Variants in CPEB3 observed in about 807,000 individuals in gnomAD.
CPEB3 encodes the protein cytoplasmic polyadenylation element-binding protein 3.
A neutral mutation model predicts 67.2 loss-of-function variants in CPEB3; 20 were observed. That is an observed-to-expected ratio of 0.30 (90% CI 0.21 to 0.43). CPEB3 has a LOEUF of 0.43. Ranked by LOEUF, CPEB3 falls within the 20% of genes least tolerant of loss-of-function variation. The pLI is 1.00. For missense variants in CPEB3, 746 were observed against 968.6 expected (o/e 0.77, Z 3.05); for synonymous variants, 376 against 393.1 (o/e 0.96, Z 0.51).
intron 1 of CPEB3, among the ~76,000 whole-genome samples, chr10:92,267,397 G>T (rs56718534): frequency 3.9e-5 from 6 of 152,168 alleles, no homozygotes; most frequent in African/African-American, 1.4e-4. Context: ...ACAATCTATT[G>T]GAGCTAGAGG....
At chr10:92,140,622 T>A (rs1416457109) in intron 6 of CPEB3, among the ~76,000 whole-genome samples, 2 of 149,410 alleles carry the variant, frequency 1.3e-5, no homozygotes, top group Non-Finnish European at 3.0e-5. Flanking sequence ...AAGCCAAAAT[T>A]GACAAATGGG....
intron 1 of CPEB3, among the ~76,000 whole-genome samples, chr10:92,261,367 A>G (rs980227243): frequency 1.3e-5 from 2 of 152,172 alleles, no homozygotes; most frequent in Admixed American, 6.6e-5. Flanking sequence ...AATTTAGACC[A>G]TGCTCTTCTC....
At position 92,145,040 on chromosome 10, in the gene CPEB3, C is replaced by T; in HGVS notation, c.1268G>A (p.Gly423Asp). 3 of 1,614,060 alleles carry T rather than the reference C, an allele frequency of 1.9e-6. No individual in the cohort carries two copies. Among genetic ancestry groups the T allele is most frequent in the Non-Finnish European group, 2.5e-6 (3 of 1,179,958 alleles). The change falls in exon 5 of 10, where the codon GGC becomes GAC. Residue 423 changes from glycine (G) to aspartate (D), a missense_variant. Coordinates refer to ENST00000265997, the MANE Select transcript of CPEB3 (RefSeq NM_014912.5). ...TTGACAGCGAGTGGGAGAACTTAAG[C>T]CAGATGACAAGGCTTGATCACCATG... ...DSHGDQALSS[G>D]LSSPTRCQNG... is the part of the protein sequence containing the mutation.
At chr10:92,091,240 AT>A (rs147897660) in intron 8 of CPEB3, among the ~76,000 whole-genome samples, 19,211 of 152,212 alleles carry the variant, frequency 0.13, 1,459 homozygotes, top group Middle Eastern at 0.21. Context: ...AATAAACTTA[AT>A]TATTCTAAGT....
chr10:92,167,351 C>T (rs934302748), intron 4 of CPEB3, among the ~76,000 whole-genome samples: 2 of 152,188 alleles, frequency 1.3e-5, no homozygotes, highest in African/African-American at 4.8e-5. Flanking sequence ...TTCAACATGC[C>T]TTCTTCATTA....
chr10:92,207,635 G>T (rs145917131), intron 2 of CPEB3, among the ~76,000 whole-genome samples: 5 of 152,244 alleles, frequency 3.3e-5, no homozygotes, highest in African/African-American at 4.8e-5. Flanking sequence ...ACTTTGGGAG[G>T]CCGAGGCTGG....
chr10:92,066,624 T>C (rs1842557597), intron 9 of CPEB3, among the ~76,000 whole-genome samples: 1 of 152,158 alleles, frequency 6.6e-6, no homozygotes, highest in South Asian at 2.1e-4. Context: ...CTTCTTGGCA[T>C]GTGTCATACA....
intron 6 of CPEB3, among the ~76,000 whole-genome samples, chr10:92,130,968 G>C (rs538595609): frequency 1.1e-4 from 17 of 152,272 alleles, no homozygotes; most frequent in African/African-American, 4.1e-4. Context: ...GTATTATTAA[G>C]AAGGCATTGA....
intron 2 of CPEB3, among the ~76,000 whole-genome samples, chr10:92,209,262 C>T (rs144415442): frequency 3.3e-5 from 5 of 152,230 alleles, no homozygotes; most frequent in African/African-American, 7.2e-5. Flanking sequence ...CAATGGCTCA[C>T]GCCTATAATC....
chr10:92,221,582 G>A (rs1850702497), intron 2 of CPEB3, among the ~76,000 whole-genome samples: 1 of 152,150 alleles, frequency 6.6e-6, no homozygotes, highest in Admixed American at 6.5e-5. Context: ...TGGTCTGAAT[G>A]TGGTATACCC....
chr10:92,212,082 T>C (rs867947889), intron 2 of CPEB3, among the ~76,000 whole-genome samples: 2 of 151,732 alleles, frequency 1.3e-5, no homozygotes, highest in South Asian at 4.2e-4. Flanking sequence ...GGTTTCACTA[T>C]GTTGGCCAGG....
chr10:92,072,695 A>G (rs536555310), intron 9 of CPEB3, among the ~76,000 whole-genome samples: 2 of 152,328 alleles, frequency 1.3e-5, no homozygotes, highest in South Asian at 4.1e-4. Flanking sequence ...GTTTTGTTCA[A>G]CTACAGCAAT....
intron 6 of CPEB3, among the ~76,000 whole-genome samples, chr10:92,119,859 G>C (rs1433909073): frequency 6.6e-6 from 1 of 151,878 alleles, no homozygotes; most frequent in Non-Finnish European, 1.5e-5. Context: ...TCTCATCGAA[G>C]TCATGCACCA....
chr10:92,183,500 G>A (rs1330857092), intron 3 of CPEB3, among the ~76,000 whole-genome samples: 8 of 152,126 alleles, frequency 5.3e-5, no homozygotes, highest in African/African-American at 1.4e-4. Flanking sequence ...TCTCACCATC[G>A]TTTTTGGATA....
At chr10:92,253,747 A>T (rs973769912) in intron 1 of CPEB3, among the ~76,000 whole-genome samples, 1 of 152,138 alleles carries the variant, frequency 6.6e-6, no homozygotes, top group Non-Finnish European at 1.5e-5. Flanking sequence ...GCCTCAAAAA[A>T]ATTTATTAAA....
At chr10:92,146,195 A>G (rs1296649677) in intron 4 of CPEB3, among the ~76,000 whole-genome samples, 2 of 152,242 alleles carry the variant, frequency 1.3e-5, no homozygotes, top group African/African-American at 2.4e-5. Flanking sequence ...CCCAATCCAC[A>G]TGACTATAAG....
At chr10:92,097,047 T>C (rs1843913057) in intron 7 of CPEB3, among the ~76,000 whole-genome samples, 1 of 152,188 alleles carries the variant, frequency 6.6e-6, no homozygotes, top group South Asian at 2.1e-4. Context: ...CAAACTCAAA[T>C]GACCATAGGG....
chr10:92,183,758 C>T lies in CPEB3; in HGVS notation c.1166-2739G>A, dbSNP rs74149388. On this transcript the variant is annotated intron_variant, in intron 3 of 9. Transcript: ENST00000265997. ...CAAGGAATATTTAGAGGAGGGTGTG[C>T]TATCTAAAAAGTTAGCAATATTCCC... Among the ~76,000 whole-genome samples, 821 of 152,172 alleles carry T rather than the reference C, an allele frequency of 5.4e-3. 8 individuals carry two copies. Among genetic ancestry groups the T allele is most frequent in the African/African-American group, 0.019 (781 of 41,520 alleles).
At chr10:92,082,293 TTTG>T (rs949311516) in intron 8 of CPEB3, among the ~76,000 whole-genome samples, 19 of 151,388 alleles carry the variant, frequency 1.3e-4, no homozygotes, top group South Asian at 4.1e-4. Context: ...TGTTTGTTTG[TTTG>T]TTTACTGAGA....
Sources: gnomAD v4.1 joint callset for allele counts (sites outside exome capture counted in the v4.1 genomes callset) on GRCh38, gnomAD v4.1.1 for gene constraint, MANE v1.5 for transcripts, NCBI Gene and HGNC (gene_info 2026-07-23, HGNC 2026-07-21) for gene names.